CDC123: variants seen among roughly 807,000 people sequenced by gnomAD.
The protein encoded by CDC123 is cell division cycle 123.
A neutral mutation model predicts 54.4 loss-of-function variants in CDC123; 37 were observed. That is an observed-to-expected ratio of 0.68 (90% CI 0.52 to 0.89). The LOEUF is 0.89. Among genes scored for constraint, CDC123 ranks in the 40% least tolerant of loss-of-function variants. CDC123 has a pLI of 0.00. For missense variants in CDC123, 361 were observed against 412.1 expected (o/e 0.88, Z 1.07); for synonymous variants, 144 against 136.8 (o/e 1.05, Z -0.37).
chr10:12,201,929 C>G (rs554085825), intron 2 of CDC123, among the ~76,000 whole-genome samples: 2 of 152,234 alleles, frequency 1.3e-5, no homozygotes, highest in South Asian at 4.1e-4. Context: ...AACTTGATGA[C>G]AGGAATGTGT....
intron 11 of CDC123, chr10:12,247,510 CTT>C (rs1836169239): frequency 5.0e-5 from 2 of 40,008 alleles, no homozygotes; most frequent in Non-Finnish European, 1.3e-4. Context: ...GTCCTCCTCT[CTT>C]ACCTCCCCCT....
chr10:12,242,299 C>T (rs966230896), intron 10 of CDC123, among the ~76,000 whole-genome samples: 11 of 152,164 alleles, frequency 7.2e-5, no homozygotes, highest in East Asian at 1.9e-4. Flanking sequence ...AGCCTTCCCT[C>T]GCACATGTAG....
In CDC123 at chr10:12,227,493, C is replaced by T. The variant is rs941561165; in HGVS notation, c.441-3455C>T. Among the ~76,000 whole-genome samples the T allele has an allele frequency of 1.1e-4, 17 of 151,640 alleles. No individual in the cohort carries two copies. The East Asian group carries it at 3.3e-3, about 29-fold the overall frequency. On this transcript the variant is annotated intron_variant, in intron 6 of 12. Coordinates refer to ENST00000281141, the MANE Select transcript of CDC123 (RefSeq NM_006023.3). ...TGGATATGTGTACAAAAGTAATTTT[C>T]TGTCTTTTTTTTTTTTCTTTATGAG...
At chr10:12,214,345 G>A (rs927603489) in intron 4 of CDC123, among the ~76,000 whole-genome samples, 8 of 152,186 alleles carry the variant, frequency 5.3e-5, no homozygotes, top group Non-Finnish European at 1.0e-4. Context: ...CAAGTCAGCC[G>A]CTTCAGGCAA....
At chr10:12,205,059 C>T (rs1311643540) in intron 2 of CDC123, among the ~76,000 whole-genome samples, 2 of 151,552 alleles carry the variant, frequency 1.3e-5, no homozygotes, top group Admixed American at 6.6e-5. Flanking sequence ...CATTAACCCC[C>T]ACCTCCTCAC....
intron 1 of CDC123, 70 bp from the exon 2 acceptor site, chr10:12,198,635 T>C (rs982705633): frequency 3.7e-6 from 3 of 809,276 alleles, no homozygotes; most frequent in Non-Finnish European, 6.4e-6. Context: ...ATTAATCAAG[T>C]GTAGAGATTT....
At chr10:12,226,182 A>G (rs1835810201) in intron 6 of CDC123, among the ~76,000 whole-genome samples, 1 of 152,020 alleles carries the variant, frequency 6.6e-6, no homozygotes, top group Non-Finnish European at 1.5e-5. Context: ...CACAGCAACA[A>G]TCTGATTTCT....
At chr10:12,232,687 A>G (rs1349521489) in intron 7 of CDC123, among the ~76,000 whole-genome samples, 2 of 152,188 alleles carry the variant, frequency 1.3e-5, no homozygotes, top group Non-Finnish European at 2.9e-5. Context: ...TTTATATAAT[A>G]TAGTCACAGC....
intron 7 of CDC123, 114 bp downstream of exon 7, chr10:12,231,110 T>A: frequency 2.2e-6 from 2 of 905,542 alleles, no homozygotes; most frequent in Non-Finnish European, 3.4e-6. Flanking sequence ...TTCGGGAACC[T>A]AAAGCCACTG....
chr10:12,222,330 T>A (rs1427357694), intron 6 of CDC123, among the ~76,000 whole-genome samples: 1 of 152,120 alleles, frequency 6.6e-6, no homozygotes, highest in African/African-American at 2.4e-5. Flanking sequence ...GGTTGACATA[T>A]GACATGTGGC....
chr10:12,246,563 G>A (rs1836141316), intron 11 of CDC123: 1 of 269,596 alleles, frequency 3.7e-6, no homozygotes, highest in East Asian at 8.4e-5. Flanking sequence ...ATCAGCTCAT[G>A]CATCTGTTCC....
intron 12 of CDC123, 74 bp downstream of exon 12, chr10:12,249,792 T>C: frequency 2.0e-6 from 3 of 1,510,538 alleles, no homozygotes; most frequent in Non-Finnish European, 2.7e-6. Context: ...ATATAATATT[T>C]CATTGGAATC....
At chr10:12,232,655 G>T (rs1255975871) in intron 7 of CDC123, among the ~76,000 whole-genome samples, 2 of 152,002 alleles carry the variant, frequency 1.3e-5, no homozygotes, top group African/African-American at 4.8e-5. Context: ...CATTTTCCCA[G>T]CTTATTAAAC....
chr10:12,211,820 A>G (rs541035086), intron 4 of CDC123, among the ~76,000 whole-genome samples: 1 of 152,180 alleles, frequency 6.6e-6, no homozygotes, highest in Non-Finnish European at 1.5e-5. Flanking sequence ...TTAAATATGT[A>G]TAGATGGGCC....
chr10:12,220,078 G>A (rs567762886), intron 6 of CDC123, among the ~76,000 whole-genome samples: 10 of 152,248 alleles, frequency 6.6e-5, no homozygotes, highest in East Asian at 5.8e-4. Context: ...TGATCCGCCC[G>A]CCTTGGCTTC....
At chr10:12,196,925 C>T (rs977750586) in intron 1 of CDC123, among the ~76,000 whole-genome samples, 1 of 152,140 alleles carries the variant, frequency 6.6e-6, no homozygotes, top group Non-Finnish European at 1.5e-5. Flanking sequence ...ACAATTTCAT[C>T]TCTCAGTTTT....
intron 8 of CDC123, among the ~76,000 whole-genome samples, chr10:12,236,614 G>C (rs1371334653): frequency 6.7e-6 from 1 of 149,118 alleles, no homozygotes; most frequent in Non-Finnish European, 1.5e-5. Flanking sequence ...AAAAAAAAAG[G>C]CCAGGTGCGG....
chr10:12,248,996 A>G (rs1009977813), intron 11 of CDC123, among the ~76,000 whole-genome samples: 1 of 152,052 alleles, frequency 6.6e-6, no homozygotes, highest in Non-Finnish European at 1.5e-5. Flanking sequence ...CTGTAGTCCC[A>G]GCTACTTGGG....
chr10:12,199,464 T>G (rs1835410465), intron 2 of CDC123, among the ~76,000 whole-genome samples: 1 of 152,210 alleles, frequency 6.6e-6, no homozygotes, highest in African/African-American at 2.4e-5. Flanking sequence ...AATTGTTAAT[T>G]GTTCCATTAG....
Sources: allele counts gnomAD v4.1 joint callset (sites outside exome capture counted in the v4.1 genomes callset), GRCh38; gene constraint gnomAD v4.1.1; transcripts MANE v1.5; gene names NCBI Gene and HGNC (gene_info 2026-07-23, HGNC 2026-07-21).